The following RAVER2 variants were observed in gnomAD, a reference collection of about 807,000 sequenced individuals.
RAVER2 encodes ribonucleoprotein PTB-binding 2.
RAVER2 carries 46 observed loss-of-function variants against 78.1 expected under a neutral mutation model. That is an observed-to-expected ratio of 0.59 (90% confidence interval 0.46 to 0.75). RAVER2 has a LOEUF of 0.75. Ranked by LOEUF, RAVER2 falls within the 30% of genes least tolerant of loss-of-function variation. The pLI is 0.00. For synonymous variants in RAVER2, 311 were observed against 313.3 expected, an observed-to-expected ratio of 0.99 and a Z score of 0.08; for missense variants, 793 against 837.5, an observed-to-expected ratio of 0.95 and a Z score of 0.66.
chr1:64,751,552 T>G (rs1438140706), intron 1 of RAVER2, among the ~76,000 whole-genome samples: 1 of 152,224 alleles, frequency 6.6e-6, no homozygotes, highest in African/African-American at 2.4e-5. Flanking sequence ...TTTGCACTTA[T>G]TCTTCTTTCC....
chr1:64,762,356 A>G (rs533356383), intron 1 of RAVER2, among the ~76,000 whole-genome samples: 2 of 152,074 alleles, frequency 1.3e-5, no homozygotes, highest in South Asian at 2.1e-4. Context: ...AAACTGATCT[A>G]TAGTGTCAAT....
intron 1 of RAVER2, among the ~76,000 whole-genome samples, chr1:64,748,263 T>C (rs1651597380): frequency 6.6e-6 from 1 of 152,236 alleles, no homozygotes; most frequent in African/African-American, 2.4e-5. Context: ...TTCCTGGCCC[T>C]CTTTGTTTTC....
chr1:64,779,602 C>A (rs1222050994), intron 3 of RAVER2, among the ~76,000 whole-genome samples: 1 of 151,520 alleles, frequency 6.6e-6, no homozygotes, highest in Non-Finnish European at 1.5e-5. Flanking sequence ...CTCTCAAACA[C>A]CTGGGCTCAA....
chr1:64,758,770 G>A (rs1252590641), intron 1 of RAVER2, among the ~76,000 whole-genome samples: 1 of 152,030 alleles, frequency 6.6e-6, no homozygotes, highest in Non-Finnish European at 1.5e-5. Context: ...GGGCCTGCCT[G>A]GACTTATGAT....
At chr1:64,819,411 A>G (rs1046638584) in intron 11 of RAVER2, among the ~76,000 whole-genome samples, 1 of 152,174 alleles carries the variant, frequency 6.6e-6, no homozygotes, top group Non-Finnish European at 1.5e-5. Context: ...TTCGGTTAAC[A>G]TGAAGACAAC....
intron 4 of RAVER2, among the ~76,000 whole-genome samples, chr1:64,782,588 T>A (rs1352643575): frequency 6.6e-6 from 1 of 152,194 alleles, no homozygotes; most frequent in Non-Finnish European, 1.5e-5. Flanking sequence ...TATCCGAACT[T>A]AAAATTTAAC....
At position 64,830,974 on chromosome 1, in the gene RAVER2, C is replaced by T. The variant is rs753051685; in HGVS notation, c.2065C>T (p.Arg689Ter). The T allele has an allele frequency of 5.0e-6, 8 of 1,613,424 alleles. No individual in the cohort carries two copies. Among genetic ancestry groups the T allele is most frequent in the Admixed American group, 3.3e-5 (2 of 59,950 alleles). ...CATGGAAACTTACTTAAAAAAGAAG[C>T]GAGTATACTGAGTTAAGCTCTCTCC... The change falls in exon 12 of 12, where the codon CGA becomes TGA. Residue 689 changes from arginine to a stop codon, truncating the protein, a stop_gained. Transcript: ENST00000294428. LOFTEE classifies it high-confidence loss of function.
intron 4 of RAVER2, among the ~76,000 whole-genome samples, chr1:64,784,777 A>C (rs943759236): frequency 1.1e-4 from 16 of 152,236 alleles, no homozygotes; most frequent in Admixed American, 7.2e-4. Flanking sequence ...AACTCAGTTA[A>C]TCGTGATTGG....
At chr1:64,793,549 A>G (rs1046849860) in intron 5 of RAVER2, among the ~76,000 whole-genome samples, 2 of 152,214 alleles carry the variant, frequency 1.3e-5, no homozygotes, top group Admixed American at 6.5e-5. Context: ...AGGATAAACT[A>G]TTTTTAAACA....
intron 5 of RAVER2, among the ~76,000 whole-genome samples, chr1:64,789,948 TG>T (rs1270559312): frequency 6.6e-6 from 1 of 152,242 alleles, no homozygotes; most frequent in African/African-American, 2.4e-5. Context: ...GTTGTAAAAT[TG>T]TTTCACTTTG....
intron 8 of RAVER2, 143 bp from the exon 9 acceptor site, chr1:64,807,063 C>A: frequency 1.1e-6 from 1 of 945,184 alleles, no homozygotes; most frequent in Non-Finnish European, 1.5e-6. Flanking sequence ...TAATTAACAA[C>A]CTCTAACCTT....
chr1:64,773,200 T>A (rs558917167), intron 2 of RAVER2, among the ~76,000 whole-genome samples: 6 of 152,218 alleles, frequency 3.9e-5, no homozygotes, highest in African/African-American at 1.4e-4. Flanking sequence ...GATTTTTTTT[T>A]AATATACTTA....
At chr1:64,803,713 A>T (rs900406480) in intron 6 of RAVER2, among the ~76,000 whole-genome samples, 109 of 152,310 alleles carry the variant, frequency 7.2e-4, no homozygotes, top group African/African-American at 2.2e-3. Flanking sequence ...ACTTGGTGAT[A>T]CATTATAGAG....
chr1:64,828,047 TCCTGGAAGGGTCA>T (rs1418464953), intron 11 of RAVER2, among the ~76,000 whole-genome samples: 1 of 152,116 alleles, frequency 6.6e-6, no homozygotes, highest in Non-Finnish European at 1.5e-5. Flanking sequence ...CCTGCCTTTC[TCCTGGAAGGGTCA>T]CCACCTATCT....
chr1:64,777,717 T>G, exon 3 of RAVER2: 1 of 1,614,062 alleles, frequency 6.2e-7, no homozygotes, highest in Non-Finnish European at 8.5e-7. Flanking sequence ...TAGTCCAGCT[T>G]CAGCCAACAG....
chr1:64,820,657 C>T (rs141116494), intron 11 of RAVER2, among the ~76,000 whole-genome samples: 7,637 of 152,236 alleles, frequency 0.05, 305 homozygotes, highest in Admixed American at 0.14. Context: ...AGTGAGAACA[C>T]GCGGTATTTG....
At chr1:64,762,436 C>A in intron 1 of RAVER2, among the ~76,000 whole-genome samples, 1 of 144,880 alleles carries the variant, frequency 6.9e-6, no homozygotes, top group African/African-American at 2.5e-5. Context: ...TACAGAAATG[C>A]AAGTGACCTG....
chr1:64,830,491 G>A (rs1209643082), intron 11 of RAVER2, among the ~76,000 whole-genome samples: 2 of 152,132 alleles, frequency 1.3e-5, no homozygotes, highest in African/African-American at 2.4e-5. Context: ...TCCTTCAGAG[G>A]AATACTGACA....
chr1:64,805,205 T>C lies in RAVER2; in HGVS notation c.1411+100T>C, dbSNP rs530159126. 2.7e-6 allele frequency: 3 copies of C among 1,102,380 alleles called. No homozygotes were observed. In the East Asian group the frequency reaches 7.5e-5, roughly 27 times the overall value. 68.3% of individuals were successfully genotyped at this position (1,102,380 alleles called of 1,614,324 possible). On this transcript the variant is annotated intron_variant, in intron 8 of 11. Transcript: ENST00000294428. ...AATTTTATTTACAGGGAGGTCAAAT[T>C]TGAGTTTTATTTAGTCATTTAAAAT...
Sources: gnomAD v4.1 joint callset for allele counts (sites outside exome capture counted in the v4.1 genomes callset) on GRCh38, gnomAD v4.1.1 for gene constraint, MANE v1.5 for transcripts, NCBI Gene and HGNC (gene_info 2026-07-23, HGNC 2026-07-21) for gene names.